TENM3: variants seen among roughly 807,000 people sequenced by gnomAD.
TENM3 encodes teneurin transmembrane protein 3.
TENM3 carries 63 observed loss-of-function variants against 255.1 expected under a neutral mutation model. The observed-to-expected ratio is 0.25, with a 90% CI of 0.20 to 0.30. The LOEUF (loss-of-function observed/expected upper bound fraction) is 0.30. TENM3 is among the 10% of genes least tolerant of loss of function. The probability of loss-of-function intolerance (pLI) is 1.00; values close to 1 mark genes in which losing one functional copy is unlikely to be tolerated. For synonymous variants in TENM3, 1,306 were observed against 1,322.3 expected, an observed-to-expected ratio of 0.99 and a Z score of 0.27; for missense variants, 2,929 against 3,461.1, an observed-to-expected ratio of 0.85 and a Z score of 3.86.
the TENM3 span, among the ~76,000 whole-genome samples, chr4:181,753,447 C>T: frequency 1.3e-5 from 2 of 151,894 alleles, no homozygotes; most frequent in Middle Eastern, 3.4e-3. Context: ...CCAGAGTCCG[C>T]GTGGAGCATC....
the TENM3 span, among the ~76,000 whole-genome samples, chr4:181,657,145 G>A: frequency 6.6e-6 from 1 of 152,188 alleles, no homozygotes; most frequent in Admixed American, 6.5e-5. Flanking sequence ...GAGCAGCTTA[G>A]AGGACCAGTG....
intron 1 of TENM3, among the ~76,000 whole-genome samples, chr4:182,195,696 A>G (rs1753797546): frequency 6.6e-6 from 1 of 152,188 alleles, no homozygotes; most frequent in Non-Finnish European, 1.5e-5. Context: ...CGCTACACTC[A>G]GTATTAATTA....
At chr4:181,698,946 T>C in the TENM3 span, among the ~76,000 whole-genome samples, 1 of 152,218 alleles carries the variant, frequency 6.6e-6, no homozygotes, top group Non-Finnish European at 1.5e-5. Context: ...CATTTAACTT[T>C]TTTTAAAAGA....
intron 3 of TENM3, among the ~76,000 whole-genome samples, chr4:182,381,619 G>A (rs1767576311): frequency 1.4e-5 from 2 of 143,850 alleles, no homozygotes; most frequent in Admixed American, 1.5e-4. Context: ...GCAATGGTGT[G>A]ATCTCGATCT....
chr4:182,610,055 CAGTAAGAAT>C lies in TENM3; in HGVS notation c.749+8896_749+8904del, dbSNP rs545312020. Among the ~76,000 whole-genome samples, 348 of 152,212 alleles carry C rather than the reference CAGTAAGAAT, an allele frequency of 2.3e-3. 2 individuals carry two copies. Among genetic ancestry groups the C allele is most frequent in the African/African-American group, 8.0e-3 (332 of 41,536 alleles). Reference sequence around the variant, plus strand: ...CTTTTTACCTTTGCAGATTTTTTGACAGTAAGAATAATCACTAAATCCTCAACTTAATTG... The same window carrying C: ...CTTTTTACCTTTGCAGATTTTTTGACAATCACTAAATCCTCAACTTAATTG... On this transcript the variant is annotated intron_variant, in intron 4 of 27. Transcript: ENST00000511685.
At chr4:182,089,819 G>A in the TENM3 span, among the ~76,000 whole-genome samples, 1 of 152,122 alleles carries the variant, frequency 6.6e-6, no homozygotes, top group African/African-American at 2.4e-5. Context: ...CTATTTATTA[G>A]TGTCCATTAC....
chr4:182,413,404 G>A (rs4862061), intron 3 of TENM3, among the ~76,000 whole-genome samples: 74,775 of 151,914 alleles, frequency 0.49, 18,699 homozygotes, highest in South Asian at 0.59. Flanking sequence ...ATCACATAAC[G>A]TCAGGAGTCT....
intron 1 of TENM3, among the ~76,000 whole-genome samples, chr4:182,296,169 G>A (rs1300195338): frequency 5.9e-5 from 9 of 151,964 alleles, no homozygotes. Flanking sequence ...CTCCACGTTG[G>A]TCAGGCTGGT....
the TENM3 span, among the ~76,000 whole-genome samples, chr4:181,460,337 T>G: frequency 6.6e-6 from 1 of 151,936 alleles, no homozygotes; most frequent in East Asian, 1.9e-4. Context: ...ACGACCTGCC[T>G]TATTACTGAT....
At chr4:182,554,234 C>T (rs1742363535) in intron 3 of TENM3, among the ~76,000 whole-genome samples, 1 of 152,080 alleles carries the variant, frequency 6.6e-6, no homozygotes, top group Non-Finnish European at 1.5e-5. Context: ...TTTTATTTCT[C>T]AGTTGCAATG....
At chr4:181,769,895 G>A in the TENM3 span, among the ~76,000 whole-genome samples, 1 of 152,122 alleles carries the variant, frequency 6.6e-6, no homozygotes, top group Non-Finnish European at 1.5e-5. Flanking sequence ...TAAATTTATA[G>A]AGCCTAAAAC....
chr4:181,462,703 C>CA, the TENM3 span, among the ~76,000 whole-genome samples: 397 of 152,216 alleles, frequency 2.6e-3, 4 homozygotes, highest in South Asian at 0.035. Context: ...AAACATAACT[C>CA]ACGTGTCATT....
chr4:181,617,603 G>T, the TENM3 span, among the ~76,000 whole-genome samples: 21,218 of 152,134 alleles, frequency 0.14, 1,673 homozygotes, highest in African/African-American at 0.21. Flanking sequence ...CTACCATGGT[G>T]ATTAGTTGGA....
intron 1 of TENM3, among the ~76,000 whole-genome samples, chr4:182,165,981 C>T (rs1039260289): frequency 1.3e-5 from 2 of 152,084 alleles, no homozygotes; most frequent in Non-Finnish European, 1.5e-5. Flanking sequence ...GGTTTCACCG[C>T]ATTAGCCAGG....
the TENM3 span, among the ~76,000 whole-genome samples, chr4:181,887,758 G>A: frequency 6.6e-6 from 1 of 152,196 alleles, no homozygotes; most frequent in Non-Finnish European, 1.5e-5. Context: ...TTAAAGACGA[G>A]ATGCAGCTTC....
chr4:182,096,374 G>A, the TENM3 span, among the ~76,000 whole-genome samples: 23 of 152,130 alleles, frequency 1.5e-4, no homozygotes, highest in East Asian at 3.1e-3. Context: ...GATAGGAACC[G>A]ATTTATCTTC....
intron 3 of TENM3, among the ~76,000 whole-genome samples, chr4:182,586,509 A>G (rs1422064009): frequency 6.6e-6 from 1 of 152,218 alleles, no homozygotes; most frequent in Non-Finnish European, 1.5e-5. Context: ...CACAAAAAAC[A>G]TACCCCCAAA....
the TENM3 span, among the ~76,000 whole-genome samples, chr4:181,688,770 G>A: frequency 5.3e-3 from 805 of 152,260 alleles, 5 homozygotes; most frequent in African/African-American, 0.011. Context: ...TGCAACAGTC[G>A]GGGTTTAAGT....
intron 22 of TENM3, 128 bp downstream of exon 22, chr4:182,755,387 T>C: frequency 1.0e-6 from 1 of 988,400 alleles, no homozygotes; most frequent in Non-Finnish European, 1.4e-6. Flanking sequence ...CTGTAATTTT[T>C]GGATCCCGGC....
Sources: allele counts gnomAD v4.1 joint callset (sites outside exome capture counted in the v4.1 genomes callset), GRCh38; gene constraint gnomAD v4.1.1; transcripts MANE v1.5; gene names NCBI Gene and HGNC (gene_info 2026-07-23, HGNC 2026-07-21).